The following CCNY variants were observed in gnomAD, a reference collection of about 807,000 sequenced individuals.
CCNY encodes the protein cyclin-Y.
In CCNY, 19 loss-of-function variants were observed where a neutral mutation model predicts 42.8. That is an observed-to-expected ratio of 0.44 (90% CI 0.31 to 0.65). The LOEUF (loss-of-function observed/expected upper bound fraction) is 0.65, where lower values mean the gene tolerates loss of function less well. Ranked by LOEUF, CCNY falls within the 30% of genes least tolerant of loss-of-function variation. The pLI is 0.07. For synonymous variants in CCNY, 165 were observed against 162.7 expected (o/e 1.01, Z -0.11); for missense variants, 370 against 437.3 (o/e 0.85, Z 1.37).
chr10:35,488,707 A>T (rs778089841), intron 2 of CCNY, among the ~76,000 whole-genome samples: 3 of 152,230 alleles, frequency 2.0e-5, no homozygotes, highest in Non-Finnish European at 2.9e-5. Flanking sequence ...CTATCAAAGC[A>T]CATAATTTCT....
At chr10:35,333,947 G>A (rs1292657186), upstream of CCNY, among the ~76,000 whole-genome samples, 2 of 150,772 alleles carry the variant, frequency 1.3e-5, no homozygotes, top group Admixed American at 6.7e-5. Flanking sequence ...TTCTCTCCAG[G>A]ATTCTTGACC....
At chr10:35,513,513 G>A (rs533319118) in intron 3 of CCNY, among the ~76,000 whole-genome samples, 7 of 152,330 alleles carry the variant, frequency 4.6e-5, no homozygotes, top group African/African-American at 1.4e-4. Context: ...GTTTAACGCA[G>A]TTTCTACTTA....
At chr10:35,410,982 T>A (rs1212799023) in intron 1 of CCNY, among the ~76,000 whole-genome samples, 12 of 152,214 alleles carry the variant, frequency 7.9e-5, no homozygotes, top group Non-Finnish European at 1.5e-5. Flanking sequence ...TGGTGGTGTG[T>A]GAAGGGTGAG....
intron 3 of CCNY, among the ~76,000 whole-genome samples, chr10:35,314,249 A>T (rs560459636): frequency 5.3e-4 from 81 of 152,254 alleles, no homozygotes; most frequent in African/African-American, 1.9e-3. Flanking sequence ...GTAAAGAAAA[A>T]GGTTTAATGG....
chr10:35,316,899 G>A (rs561023835), intron 3 of CCNY, among the ~76,000 whole-genome samples: 2 of 152,296 alleles, frequency 1.3e-5, no homozygotes, highest in Admixed American at 6.5e-5. Flanking sequence ...AGGCTGGAGT[G>A]CAGTGGTGCA....
chr10:35,323,087 G>A (rs1003123423), intron 3 of CCNY, among the ~76,000 whole-genome samples: 1 of 152,106 alleles, frequency 6.6e-6, no homozygotes, highest in African/African-American at 2.4e-5. Flanking sequence ...CACCATGCGT[G>A]GCAAATTTTT....
At chr10:35,326,015 G>T (rs1322566798) in intron 3 of CCNY, among the ~76,000 whole-genome samples, 2 of 152,180 alleles carry the variant, frequency 1.3e-5, no homozygotes. Context: ...GTTCAAGGCT[G>T]CAGGGAGCCA....
intron 3 of CCNY, among the ~76,000 whole-genome samples, chr10:35,258,489 C>T (rs2095717121): frequency 2.0e-5 from 3 of 152,156 alleles, no homozygotes; most frequent in Non-Finnish European, 2.9e-5. Flanking sequence ...GAGGGTCTTG[C>T]CACAATGACA....
At chr10:35,555,265 G>A (rs1253411116) in intron 8 of CCNY, among the ~76,000 whole-genome samples, 1 of 152,158 alleles carries the variant, frequency 6.6e-6, no homozygotes, top group Non-Finnish European at 1.5e-5. Flanking sequence ...TCATTATACA[G>A]TAGTCAAATG....
At chr10:35,331,226 A>T (rs780499003) in intron 3 of CCNY, among the ~76,000 whole-genome samples, 4 of 152,242 alleles carry the variant, frequency 2.6e-5, no homozygotes, top group Non-Finnish European at 5.9e-5. Context: ...GGAGCACAGT[A>T]GCCACCTCTC....
intron 1 of CCNY, among the ~76,000 whole-genome samples, chr10:35,376,276 T>G (rs994025716): frequency 2.6e-5 from 4 of 152,212 alleles, no homozygotes; most frequent in Admixed American, 1.3e-4. Flanking sequence ...AAGTTAAACA[T>G]GAAGTTACCG....
intron 1 of CCNY, among the ~76,000 whole-genome samples, chr10:35,482,988 C>G (rs760004139): frequency 1.2e-4 from 18 of 152,242 alleles, no homozygotes; most frequent in South Asian, 8.3e-4. Context: ...CTGATTCGCC[C>G]TAACGAGTTG....
At chr10:35,324,450 A>C (rs1835856848) in intron 3 of CCNY, among the ~76,000 whole-genome samples, 1 of 152,270 alleles carries the variant, frequency 6.6e-6, no homozygotes, top group South Asian at 2.1e-4. Flanking sequence ...CCCTGTAAAC[A>C]AAGTATTTGT....
At chr10:35,250,266 GAGGCAGGAGAATCACTTGA>G (rs1220883185) in intron 2 of CCNY, among the ~76,000 whole-genome samples, 1 of 151,804 alleles carries the variant, frequency 6.6e-6, no homozygotes, top group African/African-American at 2.4e-5. Context: ...CTGGGAGGCT[GAGGCAGGAGAATCACTTGA>G]ACCTGGAGGT....
chr10:35,469,278 A>G (rs922165753), intron 1 of CCNY, among the ~76,000 whole-genome samples: 5 of 152,244 alleles, frequency 3.3e-5, no homozygotes, highest in Non-Finnish European at 7.3e-5. Context: ...ATTTTAACTC[A>G]CATTACAAAG....
intron 1 of CCNY, among the ~76,000 whole-genome samples, chr10:35,375,304 C>T (rs763672647): frequency 7.2e-5 from 11 of 152,160 alleles, no homozygotes; most frequent in Non-Finnish European, 1.0e-4. Flanking sequence ...AGAAGTTGCT[C>T]ACATTCCTTG....
At chr10:35,475,965 C>CA (rs1421428288) in intron 1 of CCNY, among the ~76,000 whole-genome samples, 2 of 151,572 alleles carry the variant, frequency 1.3e-5, no homozygotes, top group South Asian at 2.1e-4. Flanking sequence ...AAATGGAAAA[C>CA]AAAAAAAGGC....
intron 7 of CCNY, among the ~76,000 whole-genome samples, chr10:35,552,341 G>T (rs1323310911): frequency 3.9e-5 from 6 of 152,210 alleles, no homozygotes; most frequent in African/African-American, 1.2e-4. Flanking sequence ...AATGGTGGTT[G>T]CCCGGAGCTG....
chr10:35,553,320 C>A, intron 8 of CCNY, 135 bp downstream of exon 8: 1 of 785,852 alleles, frequency 1.3e-6, no homozygotes, highest in Non-Finnish European at 1.9e-6. Flanking sequence ...TGAGCTGTTA[C>A]AACAGGGGCA....
Sources: gnomAD v4.1 joint callset for allele counts (sites outside exome capture counted in the v4.1 genomes callset) on GRCh38, gnomAD v4.1.1 for gene constraint, MANE v1.5 for transcripts, NCBI Gene and HGNC (gene_info 2026-07-23, HGNC 2026-07-21) for gene names.